The following ZRANB3 variants were observed in gnomAD, a reference collection of about 807,000 sequenced individuals.
ZRANB3 encodes zinc finger RANBP2-type containing 3.
In ZRANB3, 125 loss-of-function variants were observed where a neutral mutation model predicts 133.8. That is an observed-to-expected ratio of 0.93 (90% CI 0.81 to 1.08). The LOEUF (loss-of-function observed/expected upper bound fraction) is 1.08. Among genes scored for constraint, ZRANB3 ranks in the 50% least tolerant of loss-of-function variants. The probability of loss-of-function intolerance (pLI) is 0.00; values close to 1 mark genes in which losing one functional copy is unlikely to be tolerated. For synonymous variants in ZRANB3, 387 were observed against 432.7 expected (o/e 0.89, Z 1.31); for missense variants, 1,229 against 1,275.5 (o/e 0.96, Z 0.56).
chr2:135,224,683 C>T lies in ZRANB3; in HGVS notation c.2159-166G>A, dbSNP rs548628011. Among the ~76,000 whole-genome samples, 18 of 152,186 alleles carry T rather than the reference C, an allele frequency of 1.2e-4. No individual in the cohort carries two copies. In the South Asian group the frequency reaches 3.7e-3, roughly 32 times the overall value. ...TTGAAATAAAACTACCACGGTAGGC[C>T]ATTGAAGAGCATATTGGCTTATATG... On this transcript the variant is annotated intron_variant, in intron 14 of 20. Transcript: ENST00000264159.
chr2:135,408,418 G>A (rs551262357), intron 2 of ZRANB3, among the ~76,000 whole-genome samples: 31 of 152,292 alleles, frequency 2.0e-4, no homozygotes, highest in Admixed American at 7.2e-4. Context: ...TCAGCGTGGC[G>A]ATTCCTAAGG....
intron 8 of ZRANB3, among the ~76,000 whole-genome samples, chr2:135,281,961 T>C (rs1291872588): frequency 1.3e-5 from 2 of 152,230 alleles, no homozygotes; most frequent in Non-Finnish European, 2.9e-5. Flanking sequence ...TCATATAATA[T>C]GTGTTTTCTG....
chr2:135,218,981 GTGCTT>G, intron 16 of ZRANB3, 91 bp downstream of exon 16: 1 of 840,254 alleles, frequency 1.2e-6, no homozygotes. Context: ...ATGCCACAAA[GTGCTT>G]TTTTAAAATT....
chr2:135,236,758 C>T (rs1207456868), intron 12 of ZRANB3, among the ~76,000 whole-genome samples: 2 of 152,096 alleles, frequency 1.3e-5, no homozygotes, highest in Non-Finnish European at 2.9e-5. Flanking sequence ...GGAAGTGGAT[C>T]CCTTCCTTAC....
intron 3 of ZRANB3, among the ~76,000 whole-genome samples, chr2:135,358,490 T>A (rs1433970022): frequency 6.6e-6 from 1 of 152,218 alleles, no homozygotes; most frequent in Admixed American, 6.5e-5. Flanking sequence ...TAATAATGTA[T>A]TATTTTTGTT....
At chr2:135,319,536 T>C (rs775538379) in intron 6 of ZRANB3, among the ~76,000 whole-genome samples, 1 of 149,652 alleles carries the variant, frequency 6.7e-6, no homozygotes, top group African/African-American at 2.4e-5. Context: ...TAATCAAATT[T>C]GAAAAAAATC....
At chr2:135,336,002 G>C (rs1684355380) in intron 6 of ZRANB3, among the ~76,000 whole-genome samples, 1 of 152,150 alleles carries the variant, frequency 6.6e-6, no homozygotes, top group Non-Finnish European at 1.5e-5. Flanking sequence ...AAGTCTTTTA[G>C]CTTTAACAAT....
In ZRANB3 at chr2:135,227,885, G is replaced by T. The variant is rs1459606096; in HGVS notation, c.2085C>A (p.Gly695=). 1 of 1,570,322 alleles carries T rather than the reference G, an allele frequency of 6.4e-7. No individual in the cohort carries two copies. The highest frequency in any genetic ancestry group is 8.7e-7 in the Non-Finnish European group (1 of 1,155,854). The change falls in exon 14 of 21, where the codon GGC becomes GGA. Residue 695 remains glycine (G), a synonymous_variant. Coordinates refer to ENST00000264159, the MANE Select transcript of ZRANB3 (RefSeq NM_032143.4). ...EKQALAQSEP[G]QLADSKEETP... Reference sequence around the variant, plus strand: ...TTTCTTCCTTGCTGTCAGCCAACTGGCCAGGTTCTGACTGTGCAAGGGCTT... The same window carrying T: ...TTTCTTCCTTGCTGTCAGCCAACTGTCCAGGTTCTGACTGTGCAAGGGCTT...
intron 12 of ZRANB3, among the ~76,000 whole-genome samples, chr2:135,248,011 C>T (rs1356865985): frequency 1.3e-5 from 2 of 152,146 alleles, no homozygotes; most frequent in Non-Finnish European, 2.9e-5. Context: ...TGCCTTTGGA[C>T]CAGCAACAGG....
At chr2:135,519,734 T>C (rs28488212) in intron 1 of ZRANB3, among the ~76,000 whole-genome samples, 40,566 of 152,138 alleles carry the variant, frequency 0.27, 9,042 homozygotes, top group African/African-American at 0.6. Context: ...GCAGACATTG[T>C]GCTAGGCTCC....
intron 2 of ZRANB3, among the ~76,000 whole-genome samples, chr2:135,420,552 T>C (rs1382495409): frequency 6.6e-6 from 1 of 152,094 alleles, no homozygotes; most frequent in Non-Finnish European, 1.5e-5. Context: ...ACAGACTACA[T>C]ATGAATGTCC....
At position 135,350,206 on chromosome 2, in the gene ZRANB3, C is replaced by A; in HGVS notation, c.369G>T (p.Ser123=). The change falls in exon 5 of 21, where the codon TCG becomes TCT. Residue 123 remains serine, a synonymous_variant. Coordinates refer to ENST00000264159, the MANE Select transcript of ZRANB3 (RefSeq NM_032143.4). ...IQNKTDVRRM[S]TSKVTVLGYG... ...AACCCAGAACTGTCACTTTACTGGT[C>A]GACATTCTCCTAGAAAAGAAAATCC... The A allele has an allele frequency of 6.3e-7, 1 of 1,583,860 alleles. No individual in the cohort carries two copies. The highest frequency in any genetic ancestry group is 8.6e-7 in the Non-Finnish European group (1 of 1,163,392).
chr2:135,414,077 T>C (rs1406647623), intron 2 of ZRANB3, among the ~76,000 whole-genome samples: 1 of 151,692 alleles, frequency 6.6e-6, no homozygotes, highest in Non-Finnish European at 1.5e-5. Context: ...AACATCATAA[T>C]GGCAGGATCA....
chr2:135,376,392 T>C (rs762164011), intron 3 of ZRANB3, among the ~76,000 whole-genome samples: 14 of 152,180 alleles, frequency 9.2e-5, no homozygotes, highest in Non-Finnish European at 2.1e-4. Context: ...AACCTACATG[T>C]GAATATGTAC....
intron 12 of ZRANB3, among the ~76,000 whole-genome samples, chr2:135,238,085 G>A (rs1357864016): frequency 6.6e-6 from 1 of 152,190 alleles, no homozygotes; most frequent in Non-Finnish European, 1.5e-5. Flanking sequence ...TTTTCAATGT[G>A]TGAATCTCAG....
At chr2:135,507,618 T>TA (rs1267092813) in intron 1 of ZRANB3, among the ~76,000 whole-genome samples, 6 of 150,652 alleles carry the variant, frequency 4.0e-5, no homozygotes, top group East Asian at 1.9e-4. Flanking sequence ...TAAAAAATTT[T>TA]AAAAAAAAAT....
intron 2 of ZRANB3, among the ~76,000 whole-genome samples, chr2:135,460,036 C>T (rs926906264): frequency 1.3e-5 from 2 of 151,880 alleles, no homozygotes; most frequent in Non-Finnish European, 2.9e-5. Flanking sequence ...AAGAGAAACA[C>T]ATCAGAATAT....
At chr2:135,475,505 C>T (rs1415288110) in intron 2 of ZRANB3, among the ~76,000 whole-genome samples, 2 of 152,098 alleles carry the variant, frequency 1.3e-5, no homozygotes, top group African/African-American at 4.8e-5. Context: ...TAAGAGTATA[C>T]CCATGATCAT....
At chr2:135,259,979 G>A (rs1392143664) in intron 12 of ZRANB3, among the ~76,000 whole-genome samples, 1 of 152,112 alleles carries the variant, frequency 6.6e-6, no homozygotes. Flanking sequence ...TTAAGGGAAG[G>A]GCCCCAATTT....
Sources: gnomAD v4.1 joint callset for allele counts (sites outside exome capture counted in the v4.1 genomes callset) on GRCh38, gnomAD v4.1.1 for gene constraint, MANE v1.5 for transcripts, NCBI Gene and HGNC (gene_info 2026-07-23, HGNC 2026-07-21) for gene names.